Variants in SCOC observed in about 807,000 individuals in gnomAD.
The protein encoded by SCOC is short coiled coil protein.
In SCOC, 7 loss-of-function variants were observed where a neutral mutation model predicts 9.9. The observed-to-expected ratio is 0.71, with a 90% CI of 0.40 to 1.33. The LOEUF is 1.33. Ranked by LOEUF, SCOC falls within the 40% of genes most tolerant of loss-of-function variation. SCOC has a pLI of 0.01. For missense variants in SCOC, 66 were observed against 89.7 expected (o/e 0.74, Z 1.07); for synonymous variants, 19 against 28.2 (o/e 0.67, Z 1.03).
chr4:140,260,338 A>G (rs750157769), intron 1 of SCOC, among the ~76,000 whole-genome samples: 1 of 152,252 alleles, frequency 6.6e-6, no homozygotes, highest in Non-Finnish European at 1.5e-5. Context: ...CATTTTCATC[A>G]CCAGCAAAGA....
intron 1 of SCOC, among the ~76,000 whole-genome samples, chr4:140,322,915 C>G (rs1364385863): frequency 6.6e-6 from 1 of 152,050 alleles, no homozygotes; most frequent in African/African-American, 2.4e-5. Flanking sequence ...TTAGAGGCCG[C>G]CATGCCCACC....
intron 1 of SCOC, 113 bp downstream of exon 1, chr4:140,373,830 G>C: frequency 8.3e-7 from 1 of 1,201,920 alleles, no homozygotes; most frequent in Non-Finnish European, 1.2e-6. Flanking sequence ...CTGCGCACCG[G>C]GGGCCCGGGA....
intron 1 of SCOC, chr4:140,293,131 C>G (rs1578778933): frequency 2.6e-6 from 1 of 378,232 alleles, no homozygotes; most frequent in Admixed American, 3.2e-5. Flanking sequence ...TGTGTTCCCC[C>G]CTATATCTTT....
At chr4:140,380,194 C>CTTTTTTTTT (rs993271002) in intron 3 of SCOC, among the ~76,000 whole-genome samples, 5 of 108,418 alleles carry the variant, frequency 4.6e-5, no homozygotes, top group East Asian at 2.6e-4. Context: ...TTTTCTTTTT[C>CTTTTTTTTT]TTTTTTTTTT....
At chr4:140,371,240 T>C (rs1728043472), upstream of SCOC, among the ~76,000 whole-genome samples, 1 of 152,208 alleles carries the variant, frequency 6.6e-6, no homozygotes, top group Non-Finnish European at 1.5e-5. Context: ...TGGCTTGTTT[T>C]TTAACTTGAT....
At chr4:140,262,307 C>T (rs1241205090) in intron 1 of SCOC, among the ~76,000 whole-genome samples, 2 of 152,092 alleles carry the variant, frequency 1.3e-5, no homozygotes, top group Non-Finnish European at 2.9e-5. Context: ...TTTATGGGCA[C>T]CTTTGTTTGC....
At chr4:140,326,433 A>T (rs1732647508) in intron 1 of SCOC, among the ~76,000 whole-genome samples, 1 of 152,238 alleles carries the variant, frequency 6.6e-6, no homozygotes, top group Non-Finnish European at 1.5e-5. Context: ...AAGGTGCCAG[A>T]GAGTTAAAAC....
At position 140,379,208 on chromosome 4, in the gene SCOC, T is replaced by C; in HGVS notation, c.22+16T>C. 6.4e-7 allele frequency: 1 copy of C among 1,555,252 alleles called. No homozygotes were observed. The highest frequency in any genetic ancestry group is 1.1e-5 in the South Asian group (1 of 89,834). On this transcript the variant is annotated intron_variant, in intron 2 of 3. Transcript: ENST00000608372. The stretch of plus-strand genomic sequence containing the variant: ...GACATGGATGGTATGTTCTTCATTT[T>C]CTTTTTTGTATACTCCTGGTTTTGT...
At chr4:140,267,869 G>A (rs1436587978) in intron 1 of SCOC, among the ~76,000 whole-genome samples, 2 of 152,162 alleles carry the variant, frequency 1.3e-5, no homozygotes, top group Non-Finnish European at 2.9e-5. Context: ...TTCCCTGGTG[G>A]TTTCTGTTTC....
chr4:140,337,975 G>C lies in SCOC; in HGVS notation c.-18-5646G>C, dbSNP rs537093105. ...AGGCCAGCATCATCCTCATACCAAA[G>C]CCTGGCAGAGACACAACAAAAAAAG... On this transcript the variant is annotated intron_variant, in intron 1 of 4. Transcript: ENST00000394205. 2.0e-4 allele frequency among the ~76,000 whole-genome samples: 30 copies of C among 152,238 alleles called. No homozygotes were observed. In the East Asian group the frequency reaches 5.2e-3, roughly 26 times the overall value.
intron 1 of SCOC, chr4:140,314,642 T>C (rs1241707008): frequency 1.3e-5 from 2 of 152,148 alleles, no homozygotes; most frequent in African/African-American, 4.8e-5. Context: ...TTATGGAAAA[T>C]AGCAAAATAT....
At chr4:140,281,836 G>T (rs971200495) in intron 1 of SCOC, among the ~76,000 whole-genome samples, 1 of 152,204 alleles carries the variant, frequency 6.6e-6, no homozygotes, top group Non-Finnish European at 1.5e-5. Flanking sequence ...CTCAGGGGGC[G>T]AGGGGGGACC....
At chr4:140,342,424 T>C (rs1035972577), upstream of SCOC, among the ~76,000 whole-genome samples, 2 of 152,200 alleles carry the variant, frequency 1.3e-5, no homozygotes, top group Admixed American at 1.3e-4. Flanking sequence ...ATAAACCTTT[T>C]ATTTTGAACC....
chr4:140,373,680 G>C lies in SCOC; in HGVS notation c.-88G>C, dbSNP rs1393987434. 1.9e-6 allele frequency: 3 copies of C among 1,550,708 alleles called. No individual in the cohort carries two copies. The highest frequency in any genetic ancestry group is 2.4e-5 in the South Asian group (2 of 84,024). On this transcript the variant is annotated 5_prime_UTR_variant, in exon 1 of 4. Coordinates refer to ENST00000608372, the MANE Select transcript of SCOC (RefSeq NM_001153484.2). ...TCCAAGTGTCCCGGCCTGAGGTGTC[G>C]GCCGGATCCCTCCTTCTCCCGGCGC...
intron 1 of SCOC, among the ~76,000 whole-genome samples, chr4:140,259,809 GC>G (rs1455416272): frequency 2.0e-5 from 3 of 152,180 alleles, no homozygotes; most frequent in Non-Finnish European, 4.4e-5. Context: ...TCATCGTATA[GC>G]ATTAGAACCC....
rs373913270 is a variant in SCOC at position 140,275,129 on chromosome 4, T to C, written c.-19+17719T>C. On this transcript the variant is annotated intron_variant, in intron 1 of 4. Coordinates refer to the SCOC transcript ENST00000394205. ...ATTGGTCCATGCAAGGCTTCTTTTA[T>C]ATTTATCCATACATATTACATTTTT... Among the ~76,000 whole-genome samples, 26 of 152,368 alleles carry C rather than the reference T, an allele frequency of 1.7e-4. No individual in the cohort carries two copies. The East Asian group carries it at 3.1e-3, about 18-fold the overall frequency.
chr4:140,371,777 C>T (rs1189796557), upstream of SCOC, among the ~76,000 whole-genome samples: 2 of 152,128 alleles, frequency 1.3e-5, no homozygotes, highest in Non-Finnish European at 2.9e-5. Flanking sequence ...TCCAAAAGAA[C>T]TGAAAAGAGG....
At chr4:140,276,760 C>T (rs1006242035) in intron 1 of SCOC, among the ~76,000 whole-genome samples, 19 of 151,514 alleles carry the variant, frequency 1.3e-4, no homozygotes, top group Non-Finnish European at 2.2e-4. Flanking sequence ...GCCAGCCACT[C>T]TCCCAGTTTT....
intron 1 of SCOC, among the ~76,000 whole-genome samples, chr4:140,333,162 G>A (rs984595418): frequency 2.2e-4 from 33 of 152,122 alleles, no homozygotes; most frequent in African/African-American, 6.5e-4. Context: ...AGATGCCCTC[G>A]GGCTGGCTCC....
Sources: allele counts gnomAD v4.1 joint callset (sites outside exome capture counted in the v4.1 genomes callset), GRCh38; gene constraint gnomAD v4.1.1; transcripts MANE v1.5; gene names NCBI Gene and HGNC (gene_info 2026-07-23, HGNC 2026-07-21).